Variants in GDF1 observed in about 807,000 individuals in gnomAD.
GDF1 encodes embryonic growth/differentiation factor 1.
GDF1 carries 8 observed loss-of-function variants against 7.4 expected under a neutral mutation model. That is an observed-to-expected ratio of 1.09 (90% CI 0.64 to 1.96). The LOEUF is 1.96. GDF1 is among the 30% of genes most tolerant of loss of function. The pLI is 0.00. For missense variants in GDF1, 574 were observed against 551.5 expected, an observed-to-expected ratio of 1.04 and a Z score of -0.41; for synonymous variants, 311 against 276.7, an observed-to-expected ratio of 1.12 and a Z score of -1.23.
intron 3 of GDF1, 45 bp from the exon 4 acceptor site, chr19:18,880,480 G>C: frequency 6.6e-7 from 1 of 1,522,060 alleles, no homozygotes; most frequent in Non-Finnish European, 8.9e-7. Context: ...TCACATTGGG[G>C]GACCTCCACT....
intron 5 of GDF1, 76 bp from the exon 6 acceptor site, chr19:18,879,115 G>T: frequency 6.3e-7 from 1 of 1,587,154 alleles, no homozygotes; most frequent in Non-Finnish European, 8.6e-7. Flanking sequence ...ATGTGCTCCT[G>T]TCCCGGGCCC....
chr19:18,892,475 G>A (rs887980769), intron 2 of GDF1, among the ~76,000 whole-genome samples: 24 of 151,940 alleles, frequency 1.6e-4, no homozygotes, highest in African/African-American at 5.3e-4. Flanking sequence ...TTAGCCGGGC[G>A]TGGTGGCGGG....
intron 2 of GDF1, among the ~76,000 whole-genome samples, chr19:18,885,380 T>C (rs1056140958): frequency 1.3e-5 from 2 of 151,840 alleles, no homozygotes; most frequent in Middle Eastern, 3.4e-3. Flanking sequence ...TATTTCTTTT[T>C]TAATTTTTGT....
chr19:18,869,865 C>T (rs1182701015), intron 7 of GDF1, 118 bp downstream of exon 7: 5 of 997,286 alleles, frequency 5.0e-6, no homozygotes, highest in Non-Finnish European at 7.6e-6. Context: ...TTGCTAGTAG[C>T]CTGGACAGGG....
At chr19:18,892,089 G>A (rs930487551) in intron 2 of GDF1, among the ~76,000 whole-genome samples, 1 of 151,688 alleles carries the variant, frequency 6.6e-6, no homozygotes, top group Non-Finnish European at 1.5e-5. Context: ...GTACAGACAG[G>A]GTTTCACCAT....
chr19:18,894,512 C>T (rs1396266649), intron 1 of GDF1, among the ~76,000 whole-genome samples: 1 of 152,118 alleles, frequency 6.6e-6, no homozygotes, highest in Non-Finnish European at 1.5e-5. Flanking sequence ...ACCCAAGGGG[C>T]TGGGGAGGGC....
chr19:18,885,610 C>T (rs997142371), intron 2 of GDF1, among the ~76,000 whole-genome samples: 2 of 148,778 alleles, frequency 1.3e-5, no homozygotes, highest in Admixed American at 6.8e-5. Context: ...ACCTCCATAT[C>T]CGGGGTTCAA....
chr19:18,875,973 A>T (rs1568295515), intron 6 of GDF1, among the ~76,000 whole-genome samples: 1 of 152,170 alleles, frequency 6.6e-6, no homozygotes, highest in Non-Finnish European at 1.5e-5. Context: ...AATATTAGAG[A>T]ATAAGTTCCT....
In GDF1 at chr19:18,878,379, C is replaced by T. The variant is rs1011586623; in HGVS notation, c.-313+551G>A. 73 of 986,820 alleles carry T rather than the reference C, an allele frequency of 7.4e-5. No homozygotes were observed. The highest frequency in any genetic ancestry group is 5.2e-4 in the Middle Eastern group (1 of 1,938). The allele number at this position is 986,820 out of a possible 1,614,324, so 61.1% of individuals were successfully genotyped here. On this transcript the variant is annotated intron_variant, in intron 6 of 7. Transcript: ENST00000247005. This position sits in a 1 kb window ranked among gnomAD's most constrained non-coding sequence, Gnocchi z 4.6. ...GTGAGGCTCGTGGGCTATCTCCTTC[C>T]CCAGGACTCCCACCTGGGCTGGACT...
intron 2 of GDF1, among the ~76,000 whole-genome samples, chr19:18,892,600 C>G (rs1055319302): frequency 1.3e-5 from 2 of 151,920 alleles, no homozygotes; most frequent in African/African-American, 4.8e-5. Flanking sequence ...GGCGACAGAG[C>G]GAGACTCCAT....
At position 18,880,442 on chromosome 19, in the gene GDF1, G is replaced by A. The variant is rs752786705; in HGVS notation, c.-732-7C>T. On this transcript the variant is annotated splice_polypyrimidine_tract_variant and splice_region_variant and intron_variant, in intron 3 of 7. Coordinates refer to ENST00000247005, the MANE Select transcript of GDF1 (RefSeq NM_001492.6). ...GATGCCCACATTGTGGTACCTGGGG[G>A]AGCAGCAGGCAGAGAGGAGAGGGCA... 9 of 1,577,238 alleles carry A rather than the reference G, an allele frequency of 5.7e-6. No individual in the cohort carries two copies. The highest frequency in any genetic ancestry group is 2.0e-4 in the Middle Eastern group (1 of 4,942).
intron 3 of GDF1, among the ~76,000 whole-genome samples, chr19:18,881,221 ATT>A (rs764854215): frequency 3.6e-5 from 5 of 138,442 alleles, no homozygotes; most frequent in Non-Finnish European, 1.6e-5. Context: ...TTTTTTTTTA[ATT>A]TTTTTTTTTT....
Position 18,878,372 on chromosome 19 carries a change from C to T in GDF1, c.-313+558G>A. On this transcript the variant is annotated intron_variant, in intron 6 of 7. Coordinates refer to ENST00000247005, the MANE Select transcript of GDF1 (RefSeq NM_001492.6). This position sits in a 1 kb window ranked among gnomAD's most constrained non-coding sequence, Gnocchi z 4.6. ...AGGGCTGGTGAGGCTCGTGGGCTAT[C>T]TCCTTCCCCAGGACTCCCACCTGGG... The T allele has an allele frequency of 1.0e-6, 1 of 987,008 alleles. No homozygotes were observed. The highest frequency in any genetic ancestry group is 1.2e-6 in the Non-Finnish European group (1 of 831,110). The allele number at this position is 987,008 out of a possible 1,614,324, so 61.1% of individuals were successfully genotyped here.
chr19:18,887,201 A>G (rs2056383359), intron 2 of GDF1, among the ~76,000 whole-genome samples: 2 of 152,372 alleles, frequency 1.3e-5, no homozygotes, highest in South Asian at 2.1e-4. Context: ...GATCCATGCT[A>G]CAATGTGGGT....
intron 6 of GDF1, among the ~76,000 whole-genome samples, chr19:18,873,066 C>A (rs2056002731): frequency 6.6e-6 from 1 of 151,760 alleles, no homozygotes; most frequent in East Asian, 1.9e-4. Context: ...GATGTTTCTT[C>A]ATAGATGAGG....
rs182639961 is a variant in GDF1, at chr19:18,885,925, G to A, written c.-913-1658C>T. 3.8e-3 allele frequency among the ~76,000 whole-genome samples: 583 copies of A among 152,086 alleles called. 4 individuals carry two copies. The highest frequency in any genetic ancestry group is 6.8e-3 in the Non-Finnish European group (460 of 68,010). On this transcript the variant is annotated intron_variant, in intron 2 of 7. Coordinates refer to ENST00000247005, the MANE Select transcript of GDF1 (RefSeq NM_001492.6). ...TGCCCACGGAGTCTTGCCATGCCCGGGCACACCATGCCACCAAGCGCAGGG... is the reference window on the plus strand; with the variant it reads ...TGCCCACGGAGTCTTGCCATGCCCGAGCACACCATGCCACCAAGCGCAGGG...
In GDF1 at chr19:18,892,583, T is replaced by C. The variant is rs184923230; in HGVS notation, c.-914+833A>G. On this transcript the variant is annotated intron_variant, in intron 2 of 7. Transcript: ENST00000247005. The stretch of plus-strand genomic sequence containing the variant: ...GAGCCGAGATCGCGCCACTGCACTC[T>C]AGCCTGGGCGACAGAGCGAGACTCC... 7.1e-3 allele frequency among the ~76,000 whole-genome samples: 1,076 copies of C among 151,984 alleles called. 22 individuals are homozygous for C. Among genetic ancestry groups the C allele is most frequent in the African/African-American group, 0.025 (1,039 of 41,516 alleles).
At chr19:18,888,477 C>T (rs906611121) in intron 2 of GDF1, among the ~76,000 whole-genome samples, 1 of 145,732 alleles carries the variant, frequency 6.9e-6, no homozygotes, top group African/African-American at 2.6e-5. Flanking sequence ...GAGATCACAC[C>T]ACCACACTCC....
Position 18,870,481 on chromosome 19 carries a change from A to G in GDF1, c.-174T>C, listed in dbSNP as rs1311836304. 2.3e-5 allele frequency: 8 copies of G among 347,434 alleles called. No homozygotes were observed. The highest frequency in any genetic ancestry group is 3.6e-5 in the Non-Finnish European group (7 of 193,244). The allele number at this position is 347,434 out of a possible 1,614,324, so 21.5% of individuals were successfully genotyped here. On this transcript the variant is annotated 5_prime_UTR_variant, in exon 7 of 8. Coordinates refer to ENST00000247005, the MANE Select transcript of GDF1 (RefSeq NM_001492.6). The surrounding 1 kb of genome is among the most constrained non-coding windows in gnomAD (Gnocchi z 5.1). ...GGGGAGGTGGCGGCGGCCCTAGAGG[A>G]GCAGAGTTGGAGGGGGTGGAGGGGC...
Sources: allele counts gnomAD v4.1 joint callset (sites outside exome capture counted in the v4.1 genomes callset), GRCh38; gene constraint gnomAD v4.1.1; non-coding constraint Gnocchi (gnomAD v3.1); transcripts MANE v1.5; gene names NCBI Gene and HGNC (gene_info 2026-07-23, HGNC 2026-07-21).